OSBP2: variants seen among roughly 807,000 people sequenced by gnomAD.
The protein encoded by OSBP2 is oxysterol-binding protein 2.
In OSBP2, 66 loss-of-function variants were observed where a neutral mutation model predicts 96.0. That is an observed-to-expected ratio of 0.69 (90% CI 0.56 to 0.84). The LOEUF is 0.84. Among genes scored for constraint, OSBP2 ranks in the 40% least tolerant of loss-of-function variants. The pLI, the probability that OSBP2 is intolerant of heterozygous loss-of-function variation, is 0.00. For synonymous variants in OSBP2, 525 were observed against 520.9 expected, an observed-to-expected ratio of 1.01 and a Z score of -0.11; for missense variants, 1,038 against 1,222.7, an observed-to-expected ratio of 0.85 and a Z score of 2.25.
intron 2 of OSBP2, among the ~76,000 whole-genome samples, chr22:30,847,369 C>T (rs1001706123): frequency 6.6e-6 from 1 of 152,124 alleles, no homozygotes; most frequent in African/African-American, 2.4e-5. Flanking sequence ...GGAACATCCA[C>T]CTCCCAGGTT....
intron 1 of OSBP2, among the ~76,000 whole-genome samples, chr22:30,732,296 C>G (rs1178406246): frequency 2.0e-5 from 3 of 152,058 alleles, no homozygotes; most frequent in African/African-American, 7.2e-5. Context: ...AAGAGTGAAA[C>G]TCTGTCTCAA....
chr22:30,792,704 C>T (rs1602270776), intron 2 of OSBP2, among the ~76,000 whole-genome samples: 1 of 152,176 alleles, frequency 6.6e-6, no homozygotes, highest in Non-Finnish European at 1.5e-5. Context: ...TGATTGGCAG[C>T]TCTTACAAGT....
At chr22:30,702,267 T>A (rs2089176493) in intron 1 of OSBP2, among the ~76,000 whole-genome samples, 1 of 152,312 alleles carries the variant, frequency 6.6e-6, no homozygotes, top group African/African-American at 2.4e-5. Flanking sequence ...GGTGCTAGTG[T>A]CCCACCTCCA....
chr22:30,792,131 G>A lies in OSBP2; in HGVS notation c.853+50762G>A, dbSNP rs533186010. On this transcript the variant is annotated intron_variant, in intron 2 of 13. Transcript: ENST00000332585. ...GTTCAAGATCAGCCTAGCCAACATG[G>A]TGAAACCCCGTTTCTACTAAAAATA... Among the ~76,000 whole-genome samples, 5 of 152,140 alleles carry A rather than the reference G, an allele frequency of 3.3e-5. No homozygotes were observed. The East Asian group carries it at 7.7e-4, about 24-fold the overall frequency.
At chr22:30,759,506 C>T (rs757545348) in intron 2 of OSBP2, among the ~76,000 whole-genome samples, 41 of 152,112 alleles carry the variant, frequency 2.7e-4, no homozygotes, top group Admixed American at 4.6e-4. Flanking sequence ...CAATTAATAG[C>T]ACTAACAAAC....
chr22:30,763,896 C>T (rs2090237549), intron 2 of OSBP2, among the ~76,000 whole-genome samples: 1 of 152,152 alleles, frequency 6.6e-6, no homozygotes, highest in African/African-American at 2.4e-5. Context: ...AGGCAAACCT[C>T]CAAGTCAGAA....
intron 2 of OSBP2, chr22:30,822,524 G>T: frequency 2.2e-6 from 3 of 1,373,004 alleles, no homozygotes; most frequent in Non-Finnish European, 2.8e-6. Flanking sequence ...ACGAGTGTCC[G>T]CCGCCTCCGC....
intron 3 of OSBP2, among the ~76,000 whole-genome samples, chr22:30,879,491 G>A (rs1474602791): frequency 6.6e-6 from 1 of 152,242 alleles, no homozygotes; most frequent in East Asian, 1.9e-4. Context: ...GGACTGGGAA[G>A]GGCTGAAACC....
At chr22:30,760,583 A>G (rs1306953705) in intron 2 of OSBP2, among the ~76,000 whole-genome samples, 3 of 152,150 alleles carry the variant, frequency 2.0e-5, no homozygotes, top group Non-Finnish European at 4.4e-5. Context: ...TGGAAGGCCA[A>G]TGCAGGCAGA....
intron 2 of OSBP2, among the ~76,000 whole-genome samples, chr22:30,831,226 C>T (rs2038516221): frequency 6.6e-6 from 1 of 152,250 alleles, no homozygotes; most frequent in Non-Finnish European, 1.5e-5. Flanking sequence ...AGCTTCCCTA[C>T]ATTAGACTTC....
intron 1 of OSBP2, among the ~76,000 whole-genome samples, chr22:30,735,791 C>T (rs1005539725): frequency 3.9e-5 from 6 of 152,190 alleles, no homozygotes; most frequent in African/African-American, 1.2e-4. Context: ...GGCATGATCT[C>T]GTCTCACTGC....
At chr22:30,883,291 CTAGACAGACCTGGGAT>C (rs1392796839) in intron 3 of OSBP2, among the ~76,000 whole-genome samples, 4 of 152,246 alleles carry the variant, frequency 2.6e-5, no homozygotes, top group Non-Finnish European at 5.9e-5. Context: ...GGCCCTGGGG[CTAGACAGACCTGGGAT>C]CCCATCCTGT....
chr22:30,807,312 G>A (rs575279097), intron 2 of OSBP2, among the ~76,000 whole-genome samples: 1 of 152,248 alleles, frequency 6.6e-6, no homozygotes, highest in East Asian at 1.9e-4. Context: ...TCTGAATTCT[G>A]TCGCTTCCCT....
rs536481203 is a variant in OSBP2, at chr22:30,865,827, A to G, written c.854-4602A>G. 2.0e-5 allele frequency among the ~76,000 whole-genome samples: 3 copies of G among 152,226 alleles called. No individual in the cohort carries two copies. In the South Asian group the frequency reaches 6.2e-4, roughly 32 times the overall value. On this transcript the variant is annotated intron_variant, in intron 2 of 13. Coordinates refer to ENST00000332585, the MANE Select transcript of OSBP2 (RefSeq NM_030758.4). ...GTGTAAGGACCAGCACACTTACCCA[A>G]GGCCATGTGGAGTGAGGAGCAGGAC...
intron 1 of OSBP2, among the ~76,000 whole-genome samples, chr22:30,723,809 C>T (rs573800549): frequency 2.4e-4 from 36 of 152,260 alleles, no homozygotes; most frequent in African/African-American, 7.9e-4. Context: ...TACTCTCTCC[C>T]GACACAGGCA....
chr22:30,780,915 G>A (rs938587663), intron 2 of OSBP2, among the ~76,000 whole-genome samples: 1 of 152,188 alleles, frequency 6.6e-6, no homozygotes, highest in African/African-American at 2.4e-5. Context: ...GGCTTTCCCA[G>A]GAGGTGGGAG....
At chr22:30,889,950 G>A (rs1434018653) in intron 7 of OSBP2, among the ~76,000 whole-genome samples, 1 of 152,156 alleles carries the variant, frequency 6.6e-6, no homozygotes, top group African/African-American at 2.4e-5. Flanking sequence ...ATCTGTAGAT[G>A]GGGAGTGGCA....
In OSBP2 at chr22:30,802,923, C is replaced by T. The variant is rs568190758; in HGVS notation, c.853+61554C>T. Among the ~76,000 whole-genome samples, 14 of 152,294 alleles carry T rather than the reference C, an allele frequency of 9.2e-5. No individual in the cohort carries two copies. The South Asian group carries it at 2.9e-3, about 32-fold the overall frequency. On this transcript the variant is annotated intron_variant, in intron 2 of 13. Coordinates refer to ENST00000332585, the MANE Select transcript of OSBP2 (RefSeq NM_030758.4). ...TCCGGCTGCTCTCTGAGCTCGCGGG[C>T]TGGACGCTGTCCGCGGTGCTGAAGC...
At chr22:30,861,765 G>A (rs556212035) in intron 2 of OSBP2, among the ~76,000 whole-genome samples, 42 of 152,248 alleles carry the variant, frequency 2.8e-4, no homozygotes, top group African/African-American at 9.6e-4. Context: ...ATCTTTCTGG[G>A]TTCCCCAATC....
Sources: gnomAD v4.1 joint callset for allele counts (sites outside exome capture counted in the v4.1 genomes callset) on GRCh38, gnomAD v4.1.1 for gene constraint, MANE v1.5 for transcripts, NCBI Gene and HGNC (gene_info 2026-07-23, HGNC 2026-07-21) for gene names.